VPS13A: variants seen among roughly 807,000 people sequenced by gnomAD.
VPS13A encodes the protein intermembrane lipid transfer protein VPS13A.
A neutral mutation model predicts 390.9 loss-of-function variants in VPS13A; 264 were observed. That is an observed-to-expected ratio of 0.68 (90% CI 0.61 to 0.75). The LOEUF is 0.75. Ranked by LOEUF, VPS13A falls within the 30% of genes least tolerant of loss-of-function variation. VPS13A has a pLI of 0.00. For synonymous variants in VPS13A, 1,231 were observed against 1,227.1 expected (o/e 1.00, Z -0.07); for missense variants, 3,409 against 3,733.9 (o/e 0.91, Z 2.27).
At chr9:77,351,790 AC>A (rs988683792) in intron 53 of VPS13A, among the ~76,000 whole-genome samples, 1 of 151,766 alleles carries the variant, frequency 6.6e-6, no homozygotes, top group Non-Finnish European at 1.5e-5. Flanking sequence ...AATCGCTTGA[AC>A]CCGGGAGGCA....
At chr9:77,228,511 A>C (rs1020403445) in intron 17 of VPS13A, among the ~76,000 whole-genome samples, 5 of 152,336 alleles carry the variant, frequency 3.3e-5, no homozygotes, top group Middle Eastern at 3.4e-3. Context: ...ACACAAAAAG[A>C]AACAGCATTA....
intron 7 of VPS13A, chr9:77,211,691 A>G (rs1009447004): frequency 6.6e-6 from 1 of 152,328 alleles, no homozygotes; most frequent in Non-Finnish European, 1.5e-5. Flanking sequence ...AGAATTAGCC[A>G]TTGGATTGGG....
At chr9:77,182,265 T>TG (rs1306640109) in intron 1 of VPS13A, among the ~76,000 whole-genome samples, 2 of 152,116 alleles carry the variant, frequency 1.3e-5, no homozygotes, top group African/African-American at 4.8e-5. Flanking sequence ...GGCTAATTTT[T>TG]GTATTTTTAG....
intron 33 of VPS13A, among the ~76,000 whole-genome samples, chr9:77,299,996 G>T (rs1828249744): frequency 6.6e-6 from 1 of 152,124 alleles, no homozygotes; most frequent in African/African-American, 2.4e-5. Context: ...AAATCTAGAT[G>T]ACGGGTTGAT....
intron 29 of VPS13A, among the ~76,000 whole-genome samples, chr9:77,282,943 G>A (rs529891495): frequency 6.6e-6 from 1 of 150,658 alleles, no homozygotes; most frequent in Admixed American, 6.6e-5. Flanking sequence ...GTAACAGAGA[G>A]AGACTCTGTT....
intron 68 of VPS13A, chr9:77,384,543 T>G: frequency 6.2e-7 from 1 of 1,610,446 alleles, no homozygotes; most frequent in South Asian, 1.1e-5. Context: ...TGCCATACTC[T>G]ACTAACCTTT....
chr9:77,383,254 AG>A (rs1447325883), intron 68 of VPS13A, among the ~76,000 whole-genome samples: 1 of 151,992 alleles, frequency 6.6e-6, no homozygotes, highest in Non-Finnish European at 1.5e-5. Context: ...TGCAATATTT[AG>A]TTAAGTGATT....
chr9:77,373,790 GAAA>G (rs937719491), intron 67 of VPS13A, among the ~76,000 whole-genome samples: 5 of 151,222 alleles, frequency 3.3e-5, no homozygotes, highest in Non-Finnish European at 5.9e-5. Context: ...AAATTTACAA[GAAA>G]AAAACAAACA....
chr9:77,306,414 T>TTGTGTGTGTG (rs60382346), intron 34 of VPS13A, among the ~76,000 whole-genome samples: 3,650 of 140,814 alleles, frequency 0.026, 70 homozygotes, highest in East Asian at 0.084. Context: ...GTGTGTGTGT[T>TTGTGTGTGTG]TGTGTGTGTG....
chr9:77,255,899 A>G (rs1228478490), intron 22 of VPS13A, among the ~76,000 whole-genome samples: 1 of 151,812 alleles, frequency 6.6e-6, no homozygotes, highest in Admixed American at 6.6e-5. Context: ...TTTTTTTCTC[A>G]GTCTAACTAA....
chr9:77,395,260 A>G (rs1252479417), intron 68 of VPS13A, among the ~76,000 whole-genome samples: 1 of 152,144 alleles, frequency 6.6e-6, no homozygotes, highest in African/African-American at 2.4e-5. Flanking sequence ...AATTGGCCTA[A>G]TTTCAATATT....
At chr9:77,324,111 A>G (rs1829883692) in intron 45 of VPS13A, among the ~76,000 whole-genome samples, 1 of 152,042 alleles carries the variant, frequency 6.6e-6, no homozygotes, top group Admixed American at 6.6e-5. Context: ...TTAAATTCTG[A>G]TTACTCATTG....
chr9:77,210,017 T>C (rs1825878246), intron 6 of VPS13A, among the ~76,000 whole-genome samples: 1 of 152,180 alleles, frequency 6.6e-6, no homozygotes, highest in Non-Finnish European at 1.5e-5. Context: ...GTAACACGAA[T>C]ACATTAATAA....
chr9:77,221,046 A>G (rs1823180980), intron 12 of VPS13A, 139 bp from the exon 13 acceptor site: 1 of 833,324 alleles, frequency 1.2e-6, no homozygotes, highest in Non-Finnish European at 1.9e-6. Flanking sequence ...GGAGTTGGGT[A>G]AAAAGGAAGT....
At chr9:77,391,526 A>G (rs1400204099) in intron 68 of VPS13A, among the ~76,000 whole-genome samples, 2 of 152,184 alleles carry the variant, frequency 1.3e-5, no homozygotes, top group African/African-American at 4.8e-5. Context: ...ATTCAAATGA[A>G]ATTGATATCC....
At chr9:77,349,790 C>T (rs1264359545) in intron 52 of VPS13A, among the ~76,000 whole-genome samples, 9 of 151,936 alleles carry the variant, frequency 5.9e-5, no homozygotes, top group Admixed American at 2.6e-4. Flanking sequence ...ATTACAGGTG[C>T]GCGCCACTAT....
intron 50 of VPS13A, among the ~76,000 whole-genome samples, chr9:77,342,873 A>G (rs1830912856): frequency 6.6e-6 from 1 of 152,220 alleles, no homozygotes; most frequent in South Asian, 2.1e-4. Flanking sequence ...TAGGTGGATC[A>G]GCACAAACAT....
At chr9:77,354,401 T>C (rs1831642012) in intron 54 of VPS13A, among the ~76,000 whole-genome samples, 1 of 152,042 alleles carries the variant, frequency 6.6e-6, no homozygotes, top group Non-Finnish European at 1.5e-5. Flanking sequence ...TCAAAAAATG[T>C]TTTTACTATT....
chr9:77,421,490 C>T lies in VPS13A; in HGVS notation c.*5484C>T, dbSNP rs1835337964. 1 of 152,102 alleles carries T rather than the reference C, an allele frequency of 6.6e-6. No individual in the cohort carries two copies. The allele number at this position is 152,102 out of a possible 1,614,324, so 9.4% of individuals were successfully genotyped here. ...TTTGGATTGCATGGTAAGATGACTGCCCATTTTCACCATGTATACCTTTGT... is the reference window on the plus strand; with the variant it reads ...TTTGGATTGCATGGTAAGATGACTGTCCATTTTCACCATGTATACCTTTGT... On this transcript the variant is annotated 3_prime_UTR_variant, in exon 72 of 72. Transcript: ENST00000360280.
Sources: allele counts gnomAD v4.1 joint callset (sites outside exome capture counted in the v4.1 genomes callset), GRCh38; gene constraint gnomAD v4.1.1; transcripts MANE v1.5; gene names NCBI Gene and HGNC (gene_info 2026-07-23, HGNC 2026-07-21).